Variants in EFCAB10 observed in about 807,000 individuals in gnomAD.
The protein encoded by EFCAB10 is EF-hand calcium-binding domain-containing protein 10.
A neutral mutation model predicts 7.7 loss-of-function variants in EFCAB10; 7 were observed. The observed-to-expected ratio is 0.91, with a 90% CI of 0.52 to 1.72. The LOEUF is 1.72. Among genes scored for constraint, EFCAB10 ranks in the 40% most tolerant of loss-of-function variants. The pLI is 0.00. For missense variants in EFCAB10, 112 were observed against 61.5 expected, an observed-to-expected ratio of 1.82 and a Z score of -2.74; for synonymous variants, 52 against 21.0, an observed-to-expected ratio of 2.47 and a Z score of -4.03.
intron 1 of EFCAB10, among the ~76,000 whole-genome samples, chr7:105,574,494 T>A (rs922873432): frequency 6.8e-6 from 1 of 148,084 alleles, no homozygotes; most frequent in Non-Finnish European, 1.5e-5. Flanking sequence ...GGAAGCTCCT[T>A]TTTTTTTTGA....
intron 3 of EFCAB10, among the ~76,000 whole-genome samples, chr7:105,568,543 G>A (rs1791852326): frequency 6.6e-6 from 1 of 152,174 alleles, no homozygotes; most frequent in Admixed American, 6.5e-5. Context: ...GTATTTTATA[G>A]AGAGAGTTTC....
rs181987004 is a variant in EFCAB10 at position 105,575,055 on chromosome 7, C to T, written c.107-5484G>A. Among the ~76,000 whole-genome samples, 821 of 148,828 alleles carry T rather than the reference C, an allele frequency of 5.5e-3. 8 individuals carry two copies. The highest frequency in any genetic ancestry group is 0.02 in the African/African-American group (790 of 40,484). On this transcript the variant is annotated intron_variant, in intron 1 of 4. Coordinates refer to ENST00000480514, the MANE Select transcript of EFCAB10 (RefSeq NM_001355526.2). ...ACTTGAACCCAGGAGGTGGGGGTTG[C>T]GGTGAGCCAAGATCGTGCCATTGCA...
intron 1 of EFCAB10, among the ~76,000 whole-genome samples, 197 bp downstream of exon 1, chr7:105,581,161 G>A (rs535284282): frequency 1.3e-5 from 2 of 152,294 alleles, no homozygotes; most frequent in East Asian, 1.9e-4. Context: ...ACCAGGAGGT[G>A]GAGGTTGTAG....
chr7:105,570,228 A>T (rs1791902287), intron 1 of EFCAB10, among the ~76,000 whole-genome samples: 1 of 65,052 alleles, frequency 1.5e-5, no homozygotes, highest in Non-Finnish European at 3.0e-5. Context: ...AAAAAAAAAA[A>T]AAAAAAAAAA....
chr7:105,575,711 C>T (rs1228081679), intron 1 of EFCAB10, among the ~76,000 whole-genome samples: 1 of 152,122 alleles, frequency 6.6e-6, no homozygotes, highest in Admixed American at 6.5e-5. Flanking sequence ...CTCTGTAATT[C>T]CAAGGTTTTC....
chr7:105,579,071 A>G (rs1337056361), intron 1 of EFCAB10, among the ~76,000 whole-genome samples: 1 of 152,068 alleles, frequency 6.6e-6, no homozygotes, highest in East Asian at 1.9e-4. Flanking sequence ...CACAGCCTCC[A>G]CTCTATTAAA....
intron 1 of EFCAB10, chr7:105,573,662 T>C (rs946544861): frequency 3.3e-5 from 5 of 152,210 alleles, no homozygotes; most frequent in African/African-American, 1.2e-4. Flanking sequence ...TTTCAAGGGA[T>C]ACAATGTTCA....
intron 3 of EFCAB10, among the ~76,000 whole-genome samples, 170 bp downstream of exon 3, chr7:105,569,033 G>C (rs1791867926): frequency 6.6e-6 from 1 of 151,312 alleles, no homozygotes; most frequent in Admixed American, 6.6e-5. Flanking sequence ...CTATTCCCAA[G>C]TTTAGGGACT....
Position 105,565,158 on chromosome 7 carries a change from T to C in EFCAB10, c.*289A>G. 1.4e-6 allele frequency: 1 copy of C among 707,272 alleles called. No homozygotes were observed. The highest frequency in any genetic ancestry group is 2.3e-6 in the Non-Finnish European group (1 of 444,046). The allele number at this position is 707,272 out of a possible 1,614,324, so 43.8% of individuals were successfully genotyped here. On this transcript the variant is annotated 3_prime_UTR_variant, in exon 5 of 5. Transcript: ENST00000480514. ...TGATAGAGCTTTTAATGTTAGGCTG[T>C]ATATTTTTTCTTATCCAAAATGCCC...
chr7:105,568,357 C>G (rs985860899), intron 3 of EFCAB10, among the ~76,000 whole-genome samples: 1 of 152,178 alleles, frequency 6.6e-6, no homozygotes, highest in African/African-American at 2.4e-5. Context: ...AAACTTTCCA[C>G]AACTATTAAA....
chr7:105,570,688 G>C (rs1009857411), intron 1 of EFCAB10, among the ~76,000 whole-genome samples: 6 of 151,958 alleles, frequency 3.9e-5, no homozygotes, highest in Non-Finnish European at 8.8e-5. Flanking sequence ...GGGATTTATA[G>C]GCATGAGCCA....
chr7:105,575,758 C>T (rs1052492529), intron 1 of EFCAB10, among the ~76,000 whole-genome samples: 1 of 152,158 alleles, frequency 6.6e-6, no homozygotes, highest in Non-Finnish European at 1.5e-5. Flanking sequence ...GGGGCTTCAG[C>T]TGGGTGCGGT....
chr7:105,574,238 A>T (rs1343151062), intron 1 of EFCAB10, among the ~76,000 whole-genome samples: 3 of 146,566 alleles, frequency 2.0e-5, no homozygotes, highest in Non-Finnish European at 4.4e-5. Flanking sequence ...GTACACACAT[A>T]TATACAGTAT....
At chr7:105,575,874 C>A (rs1309798891) in intron 1 of EFCAB10, among the ~76,000 whole-genome samples, 2 of 152,018 alleles carry the variant, frequency 1.3e-5, no homozygotes, top group Non-Finnish European at 2.9e-5. Flanking sequence ...CCCATCTCTA[C>A]TAAAAATACA....
At chr7:105,571,983 C>CTT (rs1279466090) in intron 1 of EFCAB10, 1 of 152,106 alleles carries the variant, frequency 6.6e-6, no homozygotes, top group African/African-American at 2.4e-5. Flanking sequence ...TTTGATAGAG[C>CTT]TTATGTTGAG....
rs1791697260 is a variant in EFCAB10, at chr7:105,565,703, A to G, written c.*-256T>C. The G allele has an allele frequency of 3.5e-6, 4 of 1,141,696 alleles. No homozygotes were observed. In the East Asian group the frequency reaches 9.4e-5, roughly 27 times the overall value. The allele number at this position is 1,141,696 out of a possible 1,614,324, so 70.7% of individuals were successfully genotyped here. A position where few individuals can be genotyped will look rare whatever the true frequency, so the allele number is the denominator to read the frequency against. ...ATGTATCAAATTGTTACAGGAGGCT[A>G]ACTCCTTTTAACTTTAGGGTTCTGG... On this transcript the variant is annotated intron_variant, in intron 4 of 4. Transcript: ENST00000480514.
chr7:105,581,484 C>T lies in EFCAB10; in HGVS notation c.-21G>A. 2 of 702,842 alleles carry T rather than the reference C, an allele frequency of 2.8e-6. No individual in the cohort carries two copies. Among genetic ancestry groups the T allele is most frequent in the Non-Finnish European group, 5.2e-6 (2 of 384,802 alleles). 43.5% of individuals were successfully genotyped at this position (702,842 alleles called of 1,614,324 possible). A position where few individuals can be genotyped will look rare whatever the true frequency, so the allele number is the denominator to read the frequency against. ...TCCATCGCTCCGCGTCCCGCTGTTG[C>T]TAGGCGACTGCCTGGCGTCTCAGCC... On this transcript the variant is annotated 5_prime_UTR_variant, in exon 1 of 5. Transcript: ENST00000480514.
chr7:105,565,685 A>T, intron 4 of EFCAB10: 1 of 1,357,252 alleles, frequency 7.4e-7, no homozygotes, highest in Non-Finnish European at 1.0e-6. Flanking sequence ...TTAATGTATC[A>T]AATTGTTACA....
chr7:105,577,379 G>C (rs1291273766), intron 1 of EFCAB10, among the ~76,000 whole-genome samples: 2 of 152,224 alleles, frequency 1.3e-5, no homozygotes, highest in South Asian at 2.1e-4. Flanking sequence ...CATGAATTTG[G>C]AACCTGATAG....
Sources: gnomAD v4.1 joint callset for allele counts (sites outside exome capture counted in the v4.1 genomes callset) on GRCh38, gnomAD v4.1.1 for gene constraint, MANE v1.5 for transcripts, NCBI Gene and HGNC (gene_info 2026-07-23, HGNC 2026-07-21) for gene names.